CARMIL1: variants seen among roughly 807,000 people sequenced by gnomAD.
CARMIL1 encodes F-actin-uncapping protein LRRC16A.
Under a neutral mutation model 177.1 loss-of-function variants are expected in CARMIL1, and 90 were observed. The observed-to-expected ratio is 0.51, with a 90% CI of 0.43 to 0.61. The LOEUF (loss-of-function observed/expected upper bound fraction) is 0.61, where lower values mean the gene tolerates loss of function less well. CARMIL1 is among the 20% of genes least tolerant of loss of function. The pLI is 0.00. For missense variants in CARMIL1, 1,380 were observed against 1,667.0 expected, an observed-to-expected ratio of 0.83 and a Z score of 3.00; for synonymous variants, 577 against 606.2, an observed-to-expected ratio of 0.95 and a Z score of 0.71.
intron 3 of CARMIL1, among the ~76,000 whole-genome samples, chr6:25,422,905 G>A (rs1005458537): frequency 6.6e-6 from 1 of 152,154 alleles, no homozygotes; most frequent in African/African-American, 2.4e-5. Context: ...GCTCCGTCCT[G>A]TGATGTATAT....
At chr6:25,341,448 G>A (rs1359318649) in intron 2 of CARMIL1, among the ~76,000 whole-genome samples, 3 of 152,234 alleles carry the variant, frequency 2.0e-5, no homozygotes, top group Non-Finnish European at 2.9e-5. Flanking sequence ...TGCCGGCTGA[G>A]CATGGTGGCT....
rs111638631 is a variant in CARMIL1 at position 25,370,743 on chromosome 6, A to AT, written c.139-49361dup. 1.5e-3 allele frequency among the ~76,000 whole-genome samples: 226 copies of AT among 149,492 alleles called. 4 individuals carry two copies. Among genetic ancestry groups the AT allele is most frequent in the Admixed American group, 3.8e-3 (57 of 14,982 alleles). On this transcript the variant is annotated intron_variant, in intron 2 of 36. Transcript: ENST00000329474. Reference sequence around the variant, plus strand: ...ACCAGGAGTTTCATTCACTAAACATATTTTTTTTTTAGTTGATATATATAT... The same window carrying AT: ...ACCAGGAGTTTCATTCACTAAACATATTTTTTTTTTTAGTTGATATATATAT...
chr6:25,600,430 A>G lies in CARMIL1; in HGVS notation c.3236A>G (p.Lys1079Arg). 6.2e-7 allele frequency: 1 copy of G among 1,613,928 alleles called. No homozygotes were observed. The highest frequency in any genetic ancestry group is 8.5e-7 in the Non-Finnish European group (1 of 1,179,882). Residue 1079 changes from lysine to arginine, a missense_variant, in exon 33 of 37, where the codon AAA (lysine) becomes AGA (arginine). Physicochemically the swap from Lys to Arg is conservative, Grantham distance 26 (BLOSUM62 2). Coordinates refer to ENST00000329474, the MANE Select transcript of CARMIL1 (RefSeq NM_017640.6). ...GFLNLIKSRS[K>R]SERPPTILMT... ...CTCAATTTAATCAAATCCCGGTCCA[A>G]ATCCGAGCGACCACCAACGATCTTG...
chr6:25,423,383 G>T (rs751714246), intron 3 of CARMIL1, among the ~76,000 whole-genome samples: 8 of 152,170 alleles, frequency 5.3e-5, no homozygotes, highest in Non-Finnish European at 1.2e-4. Flanking sequence ...TTCGGGGGTT[G>T]GGTAATTATG....
At chr6:25,405,649 G>A (rs9467502) in intron 2 of CARMIL1, among the ~76,000 whole-genome samples, 67,698 of 152,102 alleles carry the variant, frequency 0.45, 15,356 homozygotes, top group Middle Eastern at 0.58. Flanking sequence ...AAAGGCAGGG[G>A]TGTCAGCACT....
In CARMIL1 at chr6:25,284,717, A is replaced by G. The variant is rs112367025; in HGVS notation, c.41-95A>G. Reference sequence around the variant, plus strand: ...GAGTAAGACTCTGTCTCAAAAGACAACAACAGTAAAAACAACCAAATATAC... The same window carrying G: ...GAGTAAGACTCTGTCTCAAAAGACAGCAACAGTAAAAACAACCAAATATAC... On this transcript the variant is annotated intron_variant, in intron 1 of 36. Transcript: ENST00000329474. The G allele has an allele frequency of 1.3e-3, 928 of 704,656 alleles. 3 individuals carry two copies. In the African/African-American group the frequency reaches 0.013, roughly 10 times the overall value. 43.7% of individuals were successfully genotyped at this position (704,656 alleles called of 1,614,324 possible). A position where few individuals can be genotyped will look rare whatever the true frequency, so the allele number is the denominator to read the frequency against.
chr6:25,377,771 C>A (rs769649358), intron 2 of CARMIL1, among the ~76,000 whole-genome samples: 9 of 152,154 alleles, frequency 5.9e-5, no homozygotes, highest in Admixed American at 1.3e-4. Flanking sequence ...TGACTTTTCT[C>A]CTTCCTGCAT....
chr6:25,309,796 A>T, intron 2 of CARMIL1, among the ~76,000 whole-genome samples: 1 of 138,258 alleles, frequency 7.2e-6, no homozygotes, highest in Admixed American at 7.7e-5. Context: ...TGGAGACAGA[A>T]TCTTGCTCTG....
At chr6:25,352,716 T>TA (rs2150363451) in intron 2 of CARMIL1, among the ~76,000 whole-genome samples, 1 of 152,332 alleles carries the variant, frequency 6.6e-6, no homozygotes, top group East Asian at 1.9e-4. Flanking sequence ...AGGCAAGTCT[T>TA]ATATTTCCCA....
At chr6:25,588,116 G>A (rs1813934612) in intron 31 of CARMIL1, among the ~76,000 whole-genome samples, 1 of 152,132 alleles carries the variant, frequency 6.6e-6, no homozygotes, top group Non-Finnish European at 1.5e-5. Flanking sequence ...AAGCACACAG[G>A]AGGATGTTTG....
chr6:25,431,164 T>C (rs1562126599), intron 4 of CARMIL1, among the ~76,000 whole-genome samples: 4 of 152,236 alleles, frequency 2.6e-5, no homozygotes, highest in Non-Finnish European at 1.5e-5. Flanking sequence ...GTTTTCTTTA[T>C]TGATTTCATT....
intron 2 of CARMIL1, among the ~76,000 whole-genome samples, chr6:25,379,576 C>CTGTG (rs2150477236): frequency 6.6e-6 from 1 of 152,218 alleles, no homozygotes; most frequent in East Asian, 1.9e-4. Flanking sequence ...GGTAGTCAGG[C>CTGTG]TGTGTGTCTT....
At chr6:25,555,796 A>G (rs1327463490) in intron 28 of CARMIL1, among the ~76,000 whole-genome samples, 1 of 152,212 alleles carries the variant, frequency 6.6e-6, no homozygotes, top group African/African-American at 2.4e-5. Context: ...CACAAATAGT[A>G]CATATTATAC....
intron 2 of CARMIL1, among the ~76,000 whole-genome samples, chr6:25,383,181 A>T (rs1335846662): frequency 6.6e-6 from 1 of 152,030 alleles, no homozygotes. Flanking sequence ...AACATAGAAG[A>T]TTGTTCCCTA....
intron 16 of CARMIL1, among the ~76,000 whole-genome samples, chr6:25,499,163 A>G (rs1297546373): frequency 6.6e-6 from 1 of 152,062 alleles, no homozygotes; most frequent in African/African-American, 2.4e-5. Context: ...TTCCCACCTC[A>G]CCCTTACCCT....
At chr6:25,492,050 G>T in intron 15 of CARMIL1, 26 bp downstream of exon 15, 1 of 1,595,506 alleles carries the variant, frequency 6.3e-7, no homozygotes, top group Non-Finnish European at 8.6e-7. Flanking sequence ...TGCTCTCATT[G>T]TCATCTGGAA....
chr6:25,546,671 A>ACAACAACAAC (rs200591624), intron 26 of CARMIL1, among the ~76,000 whole-genome samples: 234 of 54,018 alleles, frequency 4.3e-3, no homozygotes, highest in Non-Finnish European at 7.2e-3. Flanking sequence ...AACAACAACA[A>ACAACAACAAC]AAAAAAAAAA....
chr6:25,507,801 T>A (rs1168274144), intron 17 of CARMIL1, among the ~76,000 whole-genome samples: 1 of 152,204 alleles, frequency 6.6e-6, no homozygotes, highest in Non-Finnish European at 1.5e-5. Context: ...TACTTTTTTC[T>A]TGCTCTAAAA....
chr6:25,502,125 TATTA>T (rs1393818646), intron 17 of CARMIL1, among the ~76,000 whole-genome samples: 2 of 151,030 alleles, frequency 1.3e-5, no homozygotes, highest in South Asian at 4.2e-4. Flanking sequence ...AATCTGGTAA[TATTA>T]ATTAATTATT....
Sources: allele counts gnomAD v4.1 joint callset (sites outside exome capture counted in the v4.1 genomes callset), GRCh38; gene constraint gnomAD v4.1.1; transcripts MANE v1.5; gene names NCBI Gene and HGNC (gene_info 2026-07-23, HGNC 2026-07-21).